HECTD3: variants seen among roughly 807,000 people sequenced by gnomAD.
HECTD3 encodes HECT domain E3 ubiquitin protein ligase 3.
HECTD3 carries 72 observed loss-of-function variants against 109.3 expected under a neutral mutation model. That is an observed-to-expected ratio of 0.66 (90% CI 0.54 to 0.80). The LOEUF (loss-of-function observed/expected upper bound fraction) is 0.80. HECTD3 is among the 30% of genes least tolerant of loss of function. The probability of loss-of-function intolerance (pLI) is 0.00; values close to 1 mark genes in which losing one functional copy is unlikely to be tolerated. For missense variants in HECTD3, 1,041 were observed against 1,165.2 expected (o/e 0.89, Z 1.55); for synonymous variants, 481 against 471.8 (o/e 1.02, Z -0.25).
chr1:45,010,938 G>C lies in HECTD3; in HGVS notation c.320C>G (p.Thr107Arg), dbSNP rs1268660568. The change falls in exon 1 of 21, where the codon ACG becomes AGG. Residue 107 changes from threonine (T) to arginine (R), a missense_variant. Thr to Arg is a moderately conservative substitution (Grantham distance 71). Coordinates refer to ENST00000372172, the MANE Select transcript of HECTD3 (RefSeq NM_024602.6). ...ELRRGACVRT[T>R]GEELCNGHGL... The stretch of plus-strand genomic sequence containing the variant: ...GTGGCCATTGCACAGCTCCTCGCCC[G>C]TGGTGCGCACGCAGGCGCCGCGCCG... The C allele has an allele frequency of 6.5e-7, 1 of 1,540,382 alleles. No homozygotes were observed. Among genetic ancestry groups the C allele is most frequent in the South Asian group, 1.2e-5 (1 of 84,108 alleles).
Position 45,007,455 on chromosome 1 carries a change from G to A in HECTD3, c.1461C>T (p.Cys487=). 1 of 1,614,166 alleles carries A rather than the reference G, an allele frequency of 6.2e-7. No homozygotes were observed. Among genetic ancestry groups the A allele is most frequent in the Non-Finnish European group, 8.5e-7 (1 of 1,180,038 alleles). ...TCTTGCAGGCAGGGTCTCGAGAGGG[G>A]CAGGCACGGTGTTCCATGGCAAGAC... ...NRRLAMEHRA[C]PSRDPACKNA... Residue 487 remains cysteine (C), a synonymous_variant, in exon 10 of 21, where the codon TGC becomes TGT. Transcript: ENST00000372172.
In HECTD3 at chr1:45,010,007, G is replaced by C. The variant is rs1166498156; in HGVS notation, c.738C>G (p.Ser246Arg). 6.5e-7 allele frequency: 1 copy of C among 1,543,762 alleles called. No individual in the cohort carries two copies. ...CCACCGTGTAGGAGGAAACGTCTAT[G>C]CTCTCCACATACTGCTTCACGCTAC... ...NLGSVKQYVE[S>R]IDVSSYTEEF... is the part of the protein sequence containing the mutation. Residue 246 changes from serine to arginine, a missense_variant, in exon 4 of 21, where the codon AGC (serine) becomes AGG (arginine). Ser to Arg is a moderately radical substitution (Grantham distance 110). Transcript: ENST00000372172.
chr1:45,011,128 G>C lies in HECTD3; in HGVS notation c.130C>G (p.Pro44Ala). Residue 44 changes from proline to alanine, a missense_variant, in exon 1 of 21, where the codon CCG (proline) becomes GCG (alanine). Around this residue, in one of 2 missense-constraint regions of HECTD3, gnomAD observed 472 missense variants for 449.9 expected, o/e 1.05. Transcript: ENST00000372172. ...TAAAGCTTGTAGAGCACCTCTCGCG[G>C]CACGAAAGCCAGCGCTGCTGGCAGC... ...RPLPAALAFV[P>A]REVLYKLYKD... The C allele has an allele frequency of 6.6e-7, 1 of 1,509,270 alleles. No individual in the cohort carries two copies. The allele number at this position is 1,509,270 out of a possible 1,614,324, so 93.5% of individuals were successfully genotyped here.
intron 6 of HECTD3, 32 bp downstream of exon 6, chr1:45,009,337 C>A: frequency 6.4e-7 from 1 of 1,566,892 alleles, no homozygotes; most frequent in Non-Finnish European, 8.8e-7. Flanking sequence ...TTGGAACATG[C>A]CCTACTTCCC....
Position 45,010,921 on chromosome 1 carries a change from T to C in HECTD3, c.337A>G (p.Asn113Asp). ...AGCTTCACCCAGAGCCCGTGGCCATTGCACAGCTCCTCGCCCGTGGTGCGC... is the reference window on the plus strand; with the variant it reads ...AGCTTCACCCAGAGCCCGTGGCCATCGCACAGCTCCTCGCCCGTGGTGCGC... ...CVRTTGEELC[N>D]GHGLWVKLTK... is the part of the protein sequence containing the mutation. Residue 113 changes from asparagine (N) to aspartate (D), a missense_variant, in exon 1 of 21, where the codon AAT becomes GAT. By Grantham distance (23) the Asn-to-Asp change is conservative. Coordinates refer to ENST00000372172, the MANE Select transcript of HECTD3 (RefSeq NM_024602.6). 6.5e-7 allele frequency: 1 copy of C among 1,547,680 alleles called. No homozygotes were observed. The highest frequency in any genetic ancestry group is 8.6e-7 in the Non-Finnish European group (1 of 1,158,848).
chr1:45,005,973 G>C (rs527602464), intron 14 of HECTD3, 24 bp downstream of exon 14: 10 of 1,611,836 alleles, frequency 6.2e-6, no homozygotes, highest in African/African-American at 2.7e-5. Flanking sequence ...CTGATCGGAC[G>C]GGGGTGTGGA....
Position 45,010,046 on chromosome 1 carries a change from C to A in HECTD3, c.699G>T (p.Glu233Asp), listed in dbSNP as rs1217283902. 1.3e-6 allele frequency: 2 copies of A among 1,564,888 alleles called. No homozygotes were observed. Among genetic ancestry groups the A allele is most frequent in the African/African-American group, 2.7e-5 (2 of 74,116 alleles). Residue 233 changes from glutamate to aspartate, a missense_variant, in exon 4 of 21, where the codon GAG becomes GAT. By Grantham distance (45) the Glu-to-Asp change is conservative (BLOSUM62 2). Transcript: ENST00000372172. ...GCTTCACGCTACCCAGGTTCTCATC[C>A]TCCTTGCCCAGGTGGTCATACAAGA... The part of the protein sequence containing the change: ...IHFLYDHLGK[E>D]DENLGSVKQY...
intron 18 of HECTD3, 35 bp downstream of exon 18, chr1:45,004,025 C>T (rs1644712921): frequency 6.2e-7 from 1 of 1,613,470 alleles, no homozygotes; most frequent in Non-Finnish European, 8.5e-7. Flanking sequence ...CAGCAGAGTC[C>T]AAACCCAGGT....
At position 45,002,993 on chromosome 1, in the gene HECTD3, C is replaced by T. The variant is rs1644704144; in HGVS notation, c.*499G>A. On this transcript the variant is annotated 3_prime_UTR_variant, in exon 21 of 21. Transcript: ENST00000372172. ...GCAGGTGCTCAGCTACTGCTTCCTT[C>T]TTGGAGCAGGTGACCAAGGAGTTTG... 6.1e-6 allele frequency: 1 copy of T among 165,258 alleles called. No individual in the cohort carries two copies. The highest frequency in any genetic ancestry group is 5.5e-5 in the Admixed American group (1 of 18,076). The allele number at this position is 165,258 out of a possible 1,614,324, so 10.2% of individuals were successfully genotyped here. A position where few individuals can be genotyped will look rare whatever the true frequency, so the allele number is the denominator to read the frequency against.
At chr1:45,009,815 G>A (rs766422451) in intron 4 of HECTD3, 132 bp from the exon 5 acceptor site, 7 of 1,044,564 alleles carry the variant, frequency 6.7e-6, no homozygotes, top group Middle Eastern at 3.0e-4. Flanking sequence ...GGGATAGGGG[G>A]CCGCTGGGTA....
At chr1:45,005,702 G>C in intron 15 of HECTD3, 92 bp downstream of exon 15, 1 of 980,744 alleles carries the variant, frequency 1.0e-6, no homozygotes, top group Non-Finnish European at 1.5e-6. Flanking sequence ...GGGATCTTGT[G>C]TGTGGTGAAA....
chr1:45,010,021 G>A lies in HECTD3; in HGVS notation c.724C>T (p.Gln242Ter). ...GAAACGTCTATGCTCTCCACATACT[G>A]CTTCACGCTACCCAGGTTCTCATCC... The part of the protein sequence containing the change: ...KEDENLGSVK[Q>*]YVESIDVSSY... Residue 242 changes from glutamine (Q) to a stop codon, truncating the protein, a stop_gained, in exon 4 of 21, where the codon CAG becomes TAG. Coordinates refer to ENST00000372172, the MANE Select transcript of HECTD3 (RefSeq NM_024602.6). LOFTEE classifies it high-confidence loss of function. 1 of 1,554,784 alleles carries A rather than the reference G, an allele frequency of 6.4e-7. No homozygotes were observed. Among genetic ancestry groups the A allele is most frequent in the Admixed American group, 1.8e-5 (1 of 55,082 alleles).
At position 45,003,308 on chromosome 1, in the gene HECTD3, G is replaced by T; in HGVS notation, c.*184C>A. 1 of 600,868 alleles carries T rather than the reference G, an allele frequency of 1.7e-6. No homozygotes were observed. Among genetic ancestry groups the T allele is most frequent in the Admixed American group, 2.8e-5 (1 of 35,746 alleles). The allele number at this position is 600,868 out of a possible 1,614,324, so 37.2% of individuals were successfully genotyped here. Reference sequence around the variant, plus strand: ...GCACGGGTAGGGCTTGTGGGTCTGCGGGGCTGGGCCACTAGTGTTACCTGA... The same window carrying T: ...GCACGGGTAGGGCTTGTGGGTCTGCTGGGCTGGGCCACTAGTGTTACCTGA... On this transcript the variant is annotated 3_prime_UTR_variant, in exon 21 of 21. Transcript: ENST00000372172. The surrounding 1 kb of genome is among the most constrained non-coding windows in gnomAD (Gnocchi z 4.7).
Position 45,010,580 on chromosome 1 carries a change from G to C in HECTD3, c.496C>G (p.Gln166Glu). ...DTPNHLQRQQ[Q>E]LFGVDYRPVL... ...GGCCGATAATCCACGCCAAAGAGCT[G>C]CTGCTGCCGCTGGAGGTGGTTGGGA... Residue 166 changes from glutamine to glutamate, a missense_variant, in exon 2 of 21, where the codon CAG (glutamine) becomes GAG (glutamate). By Grantham distance (29) the Gln-to-Glu change is conservative. Coordinates refer to ENST00000372172, the MANE Select transcript of HECTD3 (RefSeq NM_024602.6). 1 of 1,613,504 alleles carries C rather than the reference G, an allele frequency of 6.2e-7. No individual in the cohort carries two copies. The highest frequency in any genetic ancestry group is 1.1e-5 in the South Asian group (1 of 91,062).
intron 6 of HECTD3, 62 bp from the exon 7 acceptor site, chr1:45,009,288 G>A: frequency 6.5e-7 from 1 of 1,533,132 alleles, no homozygotes; most frequent in African/African-American, 1.4e-5. Context: ...GAGACTGCTG[G>A]AGTCTCACTC....
intron 15 of HECTD3, 177 bp from the exon 16 acceptor site, chr1:45,004,983 G>A: frequency 1.6e-6 from 1 of 634,822 alleles, no homozygotes; most frequent in Non-Finnish European, 2.8e-6. Flanking sequence ...CACCTAACCA[G>A]CCTTGGAGGC....
At chr1:45,008,393 G>C (rs72887050) in intron 8 of HECTD3, 72 bp from the exon 9 acceptor site, 1 of 1,512,410 alleles carries the variant, frequency 6.6e-7, no homozygotes, top group Non-Finnish European at 9.2e-7. Flanking sequence ...CCAACATAAA[G>C]GGACAGGAAA....
Position 45,006,865 on chromosome 1 carries a change from C to T in HECTD3, c.1622-70G>A. On this transcript the variant is annotated intron_variant, in intron 12 of 20. Transcript: ENST00000372172. The surrounding 1 kb of genome is among the most constrained non-coding windows in gnomAD (Gnocchi z 4.7). ...CCCATAATGGGGTAATGAATAGGTCCCCCATCATCATTAGCTGGTGAAAAG... is the reference window on the plus strand; with the variant it reads ...CCCATAATGGGGTAATGAATAGGTCTCCCATCATCATTAGCTGGTGAAAAG... 5 of 1,579,588 alleles carry T rather than the reference C, an allele frequency of 3.2e-6. No individual in the cohort carries two copies. Among genetic ancestry groups the T allele is most frequent in the Non-Finnish European group, 4.4e-6 (5 of 1,149,068 alleles).
intron 16 of HECTD3, 50 bp downstream of exon 16, chr1:45,004,550 G>A: frequency 6.2e-7 from 1 of 1,605,664 alleles, no homozygotes; most frequent in Non-Finnish European, 8.5e-7. Context: ...CCAGGAGCTG[G>A]GGCTCAGGAG....
Sources: allele counts gnomAD v4.1 joint callset, GRCh38; gene constraint gnomAD v4.1.1; regional missense constraint gnomAD v4.1.1; non-coding constraint Gnocchi (gnomAD v3.1); transcripts MANE v1.5; gene names NCBI Gene and HGNC (gene_info 2026-07-23, HGNC 2026-07-21).